Variants in ACER3 observed in about 807,000 individuals in gnomAD.
The protein encoded by ACER3 is alkaline ceramidase 3.
A neutral mutation model predicts 48.9 loss-of-function variants in ACER3; 16 were observed. That is an observed-to-expected ratio of 0.33 (90% CI 0.22 to 0.50). The LOEUF (loss-of-function observed/expected upper bound fraction) is 0.50, where lower values mean the gene tolerates loss of function less well. Ranked by LOEUF, ACER3 falls within the 20% of genes least tolerant of loss-of-function variation. The probability of loss-of-function intolerance (pLI) is 0.98; values close to 1 mark genes in which losing one functional copy is unlikely to be tolerated. For synonymous variants in ACER3, 109 were observed against 107.8 expected, an observed-to-expected ratio of 1.01 and a Z score of -0.07; for missense variants, 227 against 326.0, an observed-to-expected ratio of 0.70 and a Z score of 2.34.
chr11:77,005,036 C>CTTTTT (rs57411582), intron 7 of ACER3, among the ~76,000 whole-genome samples: 2 of 112,860 alleles, frequency 1.8e-5, no homozygotes, highest in African/African-American at 3.1e-5. Context: ...TAAACTTTTT[C>CTTTTT]TTTTTTTTTT....
chr11:76,989,175 G>A lies in ACER3; in HGVS notation c.403-1364G>A, dbSNP rs532347940. On this transcript the variant is annotated intron_variant, in intron 5 of 10. Coordinates refer to ENST00000532485, the MANE Select transcript of ACER3 (RefSeq NM_018367.7). Reference sequence around the variant, plus strand: ...AGATTAAAAGCATTCTCCCTTACTGGGTTTAGAGTTACAGATATACAATAT... The same window carrying A: ...AGATTAAAAGCATTCTCCCTTACTGAGTTTAGAGTTACAGATATACAATAT... Among the ~76,000 whole-genome samples the A allele has an allele frequency of 2.6e-5, 4 of 151,562 alleles. No homozygotes were observed. The East Asian group carries it at 5.8e-4, about 22-fold the overall frequency.
At chr11:76,995,666 G>A (rs1393831178) in intron 6 of ACER3, among the ~76,000 whole-genome samples, 1 of 151,896 alleles carries the variant, frequency 6.6e-6, no homozygotes, top group African/African-American at 2.4e-5. Context: ...AGCTGAACAT[G>A]CTGCCAGCCA....
intron 2 of ACER3, among the ~76,000 whole-genome samples, chr11:76,947,683 G>A (rs61900101): frequency 6.6e-6 from 1 of 152,068 alleles, no homozygotes; most frequent in Non-Finnish European, 1.5e-5. Flanking sequence ...AAATATTAGT[G>A]ACCTCTTATT....
intron 1 of ACER3, among the ~76,000 whole-genome samples, chr11:76,914,548 C>T (rs11237011): frequency 1.1e-4 from 17 of 151,998 alleles, no homozygotes; most frequent in African/African-American, 3.1e-4. Context: ...GGAAACAACA[C>T]GTGCTGGAGA....
chr11:76,876,231 C>A (rs778305358), intron 1 of ACER3, among the ~76,000 whole-genome samples: 1 of 152,050 alleles, frequency 6.6e-6, no homozygotes, highest in Non-Finnish European at 1.5e-5. Context: ...TAATCCCCAC[C>A]TCCATCTTAC....
At chr11:76,906,997 C>T (rs1251759980) in intron 1 of ACER3, among the ~76,000 whole-genome samples, 1 of 152,040 alleles carries the variant, frequency 6.6e-6, no homozygotes, top group African/African-American at 2.4e-5. Context: ...TTTACAGTTT[C>T]TTCAATTGAA....
At chr11:77,005,304 T>A (rs1322386570) in intron 7 of ACER3, among the ~76,000 whole-genome samples, 4 of 152,188 alleles carry the variant, frequency 2.6e-5, no homozygotes, top group African/African-American at 9.7e-5. Flanking sequence ...TCTATAGTGC[T>A]TATGTTTCTC....
intron 2 of ACER3, among the ~76,000 whole-genome samples, chr11:76,939,375 G>A (rs1455965636): frequency 1.3e-5 from 2 of 152,142 alleles, no homozygotes; most frequent in Admixed American, 6.6e-5. Flanking sequence ...AAAGTTAACC[G>A]CATTAATAAT....
intron 1 of ACER3, among the ~76,000 whole-genome samples, chr11:76,862,840 G>A (rs1310348788): frequency 2.6e-5 from 4 of 152,082 alleles, no homozygotes; most frequent in East Asian, 1.9e-4. Context: ...CAATATTTTC[G>A]AAGGAAAAAA....
intron 6 of ACER3, among the ~76,000 whole-genome samples, chr11:76,991,320 T>A (rs1948796763): frequency 6.6e-6 from 1 of 152,240 alleles, no homozygotes; most frequent in Non-Finnish European, 1.5e-5. Context: ...ATAAGCACGC[T>A]TTTCAGAAGT....
chr11:76,939,778 T>G (rs936861535), intron 2 of ACER3, among the ~76,000 whole-genome samples: 3 of 152,192 alleles, frequency 2.0e-5, no homozygotes, highest in African/African-American at 7.2e-5. Flanking sequence ...TGTGTGCTTC[T>G]AAAATGTTAG....
chr11:77,009,654 TTAA>T (rs1286614048), intron 7 of ACER3, among the ~76,000 whole-genome samples: 2 of 151,934 alleles, frequency 1.3e-5, no homozygotes, highest in Non-Finnish European at 2.9e-5. Flanking sequence ...ACAAAAAAAA[TTAA>T]TAAATTAGGT....
chr11:76,872,116 G>A (rs1007615610), intron 1 of ACER3, among the ~76,000 whole-genome samples: 2 of 143,578 alleles, frequency 1.4e-5, no homozygotes, highest in Non-Finnish European at 3.0e-5. Flanking sequence ...TTGCTCTGTC[G>A]CGGAGGCTGG....
At chr11:76,942,390 T>G (rs1318281170) in intron 2 of ACER3, among the ~76,000 whole-genome samples, 1 of 152,060 alleles carries the variant, frequency 6.6e-6, no homozygotes, top group Non-Finnish European at 1.5e-5. Context: ...TGAGTTTTAA[T>G]GGATTTTTTT....
chr11:76,875,729 G>GTTT (rs1390719448), intron 1 of ACER3, among the ~76,000 whole-genome samples: 7 of 79,810 alleles, frequency 8.8e-5, no homozygotes, highest in African/African-American at 2.2e-4. Context: ...CACAGTTTTT[G>GTTT]TTGTTTTTTT....
chr11:76,970,512 A>T (rs1948270165), intron 3 of ACER3, among the ~76,000 whole-genome samples: 2 of 152,172 alleles, frequency 1.3e-5, no homozygotes, highest in African/African-American at 4.8e-5. Flanking sequence ...AGATAAAAAG[A>T]CCTGACAACT....
intron 2 of ACER3, among the ~76,000 whole-genome samples, chr11:76,954,369 T>C (rs1039240905): frequency 6.6e-6 from 1 of 152,226 alleles, no homozygotes; most frequent in African/African-American, 2.4e-5. Context: ...ACAAACTCTG[T>C]CTTTATTCTA....
At chr11:76,948,209 C>CTGTG (rs1947525857) in intron 2 of ACER3, among the ~76,000 whole-genome samples, 1 of 121,522 alleles carries the variant, frequency 8.2e-6, no homozygotes, top group Non-Finnish European at 1.7e-5. Context: ...TTCTGGCTCA[C>CTGTG]TCTGTGTGTG....
At chr11:76,881,880 G>A (rs766473249) in intron 1 of ACER3, among the ~76,000 whole-genome samples, 31 of 151,238 alleles carry the variant, frequency 2.0e-4, no homozygotes, top group East Asian at 5.8e-4. Flanking sequence ...AACTTTGATC[G>A]TTATGTATTC....
Sources: allele counts gnomAD v4.1 joint callset (sites outside exome capture counted in the v4.1 genomes callset), GRCh38; gene constraint gnomAD v4.1.1; transcripts MANE v1.5; gene names NCBI Gene and HGNC (gene_info 2026-07-23, HGNC 2026-07-21).